The following GTF2A1L variants were observed in gnomAD, a reference collection of about 807,000 sequenced individuals.
GTF2A1L encodes the protein TFIIA-alpha and beta-like factor.
Under a neutral mutation model 49.7 loss-of-function variants are expected in GTF2A1L, and 48 were observed. The observed-to-expected ratio is 0.97, with a 90% CI of 0.77 to 1.23. GTF2A1L has a LOEUF of 1.23. GTF2A1L is among the 50% of genes most tolerant of loss of function. The pLI is 0.00. For synonymous variants in GTF2A1L, 246 were observed against 193.5 expected (o/e 1.27, Z -2.25); for missense variants, 736 against 564.8 (o/e 1.30, Z -3.07).
chr2:48,629,868 T>A (rs1447212562), intron 3 of GTF2A1L, among the ~76,000 whole-genome samples: 1 of 144,792 alleles, frequency 6.9e-6, no homozygotes, highest in African/African-American at 2.5e-5. Flanking sequence ...ATTTATTGAC[T>A]AGGGAGTCCT....
Position 48,646,499 on chromosome 2 carries a change from T to G in GTF2A1L, c.435T>G (p.Ser145=), listed in dbSNP as rs1339625170. Residue 145 remains serine (S), a synonymous_variant, in exon 6 of 9, where the codon TCT becomes TCG. Coordinates refer to ENST00000403751, the MANE Select transcript of GTF2A1L (RefSeq NM_006872.5). ...TACCAATTATGGTGACAGAGACTTCTGGAAGAGCAGGTATTCTTCAGCATC... is the reference window on the plus strand; with the variant it reads ...TACCAATTATGGTGACAGAGACTTCGGGAAGAGCAGGTATTCTTCAGCATC... ...VNVPIMVTET[S]GRAGILQHPI... The G allele has an allele frequency of 1.9e-6, 3 of 1,613,738 alleles. No homozygotes were observed. Among genetic ancestry groups the G allele is most frequent in the Non-Finnish European group, 2.5e-6 (3 of 1,179,908 alleles).
At chr2:48,648,523 G>A (rs10201719) in intron 6 of GTF2A1L, among the ~76,000 whole-genome samples, 13,253 of 152,044 alleles carry the variant, frequency 0.087, 837 homozygotes, top group African/African-American at 0.18. Context: ...GGGGGTAGTG[G>A]TTGAGAACAT....
intron 6 of GTF2A1L, among the ~76,000 whole-genome samples, chr2:48,654,910 A>C (rs1203939424): frequency 6.6e-6 from 1 of 152,136 alleles, no homozygotes; most frequent in East Asian, 1.9e-4. Context: ...ATTATGGTAA[A>C]TTTATAGTAA....
chr2:48,652,316 T>C (rs1022603472), intron 6 of GTF2A1L, among the ~76,000 whole-genome samples: 4 of 152,226 alleles, frequency 2.6e-5, no homozygotes, highest in African/African-American at 9.6e-5. Flanking sequence ...TACTTGTTGC[T>C]ATTAAAATGA....
intron 8 of GTF2A1L, among the ~76,000 whole-genome samples, chr2:48,672,095 A>G (rs545618116): frequency 3.9e-5 from 6 of 152,374 alleles, no homozygotes; most frequent in African/African-American, 1.2e-4. Flanking sequence ...TGGCTAGGAA[A>G]TGTAAGAAAT....
chr2:48,640,399 A>G (rs551948139), intron 3 of GTF2A1L, among the ~76,000 whole-genome samples: 1 of 152,192 alleles, frequency 6.6e-6, no homozygotes, highest in South Asian at 2.1e-4. Context: ...GGGAACATGG[A>G]TGGAGCTGGA....
At chr2:48,623,403 C>G (rs1676123241) in intron 3 of GTF2A1L, among the ~76,000 whole-genome samples, 1 of 152,094 alleles carries the variant, frequency 6.6e-6, no homozygotes, top group Non-Finnish European at 1.5e-5. Context: ...GTCAGAATGG[C>G]TATTATTAAA....
At chr2:48,644,679 T>G (rs1297482167) in intron 4 of GTF2A1L, among the ~76,000 whole-genome samples, 4 of 152,226 alleles carry the variant, frequency 2.6e-5, no homozygotes, top group African/African-American at 9.6e-5. Context: ...CCAATTTTTA[T>G]CACATTCTCA....
intron 4 of GTF2A1L, among the ~76,000 whole-genome samples, chr2:48,644,568 A>G (rs1191922800): frequency 6.6e-6 from 1 of 152,206 alleles, no homozygotes; most frequent in Non-Finnish European, 1.5e-5. Context: ...TTCATGGGTC[A>G]AAGGTCATTT....
intron 6 of GTF2A1L, among the ~76,000 whole-genome samples, chr2:48,656,563 G>C (rs574687126): frequency 3.3e-5 from 5 of 151,760 alleles, no homozygotes; most frequent in Non-Finnish European, 5.9e-5. Context: ...TGTTGTTGTT[G>C]ACTTGTAGTT....
At chr2:48,622,490 C>T (rs2104064917) in intron 3 of GTF2A1L, among the ~76,000 whole-genome samples, 1 of 152,068 alleles carries the variant, frequency 6.6e-6, no homozygotes, top group Admixed American at 6.5e-5. Context: ...TTATTTATTA[C>T]AGAATGCTAA....
At chr2:48,645,237 G>C (rs183210266) in intron 5 of GTF2A1L, 120 bp downstream of exon 5, 9 of 914,448 alleles carry the variant, frequency 9.8e-6, no homozygotes, top group Non-Finnish European at 1.3e-5. Context: ...TAATAAAATT[G>C]ATTTTAAAAG....
intron 6 of GTF2A1L, among the ~76,000 whole-genome samples, chr2:48,667,634 T>C (rs1427231222): frequency 6.6e-6 from 1 of 152,216 alleles, no homozygotes; most frequent in African/African-American, 2.4e-5. Context: ...ATTCCTTATA[T>C]TTCATCTGTG....
intron 6 of GTF2A1L, among the ~76,000 whole-genome samples, chr2:48,656,515 G>A (rs1678186192): frequency 1.3e-5 from 2 of 152,010 alleles, no homozygotes; most frequent in East Asian, 1.9e-4. Context: ...GTCTATTCAA[G>A]TCCTTTGCCC....
chr2:48,666,603 G>A (rs1400044928), intron 6 of GTF2A1L, among the ~76,000 whole-genome samples: 2 of 151,438 alleles, frequency 1.3e-5, no homozygotes, highest in Non-Finnish European at 3.0e-5. Context: ...GTGTGTGTGT[G>A]TGTGTGTGTT....
At chr2:48,671,523 T>A (rs1679166111) in intron 7 of GTF2A1L, 68 bp from the exon 8 acceptor site, 11 of 1,510,508 alleles carry the variant, frequency 7.3e-6, no homozygotes, top group Middle Eastern at 1.8e-4. Context: ...TATTTCTATA[T>A]GTCTCTTTAT....
rs532951507 is a variant in GTF2A1L, at chr2:48,642,427, A to G, written c.273A>G (p.Arg91=). Residue 91 remains arginine, a synonymous_variant, in exon 4 of 9, where the codon AGA becomes AGG. Coordinates refer to ENST00000403751, the MANE Select transcript of GTF2A1L (RefSeq NM_006872.5). Reference sequence around the variant, plus strand: ...CATCATTAGTTATTCCTGCTGGTAGAACTCTTCCAAGTTTTACCACAGCAG... The same window carrying G: ...CATCATTAGTTATTCCTGCTGGTAGGACTCTTCCAAGTTTTACCACAGCAG... The part of the protein sequence containing the change: ...STASLVIPAG[R]TLPSFTTAEL... 1.3e-6 allele frequency: 2 copies of G among 1,593,778 alleles called. No homozygotes were observed. Among genetic ancestry groups the G allele is most frequent in the South Asian group, 1.2e-5 (1 of 86,860 alleles).
intron 6 of GTF2A1L, among the ~76,000 whole-genome samples, chr2:48,667,691 T>C (rs1678929260): frequency 6.6e-6 from 1 of 152,222 alleles, no homozygotes; most frequent in South Asian, 2.1e-4. Flanking sequence ...CATGTAAACT[T>C]ACATAATTTT....
At chr2:48,634,427 T>C (rs1676771401) in intron 3 of GTF2A1L, among the ~76,000 whole-genome samples, 1 of 152,224 alleles carries the variant, frequency 6.6e-6, no homozygotes. Flanking sequence ...TGTGAGGTTT[T>C]GATCCTATCA....
Sources: gnomAD v4.1 joint callset for allele counts (sites outside exome capture counted in the v4.1 genomes callset) on GRCh38, gnomAD v4.1.1 for gene constraint, MANE v1.5 for transcripts, NCBI Gene and HGNC (gene_info 2026-07-23, HGNC 2026-07-21) for gene names.